KHDRBS2: variants seen among roughly 807,000 people sequenced by gnomAD.
The protein encoded by KHDRBS2 is KH RNA binding domain containing, signal transduction associated 2.
A neutral mutation model predicts 44.3 loss-of-function variants in KHDRBS2; 26 were observed. That is an observed-to-expected ratio of 0.59 (90% CI 0.43 to 0.81). The LOEUF is 0.81. KHDRBS2 is among the 40% of genes least tolerant of loss of function. KHDRBS2 has a pLI of 0.00. For synonymous variants in KHDRBS2, 194 were observed against 151.1 expected, an observed-to-expected ratio of 1.28 and a Z score of -2.08; for missense variants, 476 against 433.1, an observed-to-expected ratio of 1.10 and a Z score of -0.88.
At chr6:61,889,630 A>T (rs1801506719) in intron 6 of KHDRBS2, among the ~76,000 whole-genome samples, 2 of 152,254 alleles carry the variant, frequency 1.3e-5, no homozygotes, top group Middle Eastern at 3.4e-3. Context: ...ACCAGTTAAC[A>T]GTCTCCTTGT....
At chr6:61,964,089 T>C (rs1769361371) in intron 4 of KHDRBS2, among the ~76,000 whole-genome samples, 1 of 151,960 alleles carries the variant, frequency 6.6e-6, no homozygotes, top group African/African-American at 2.4e-5. Flanking sequence ...CAGTACAAAA[T>C]ATCGGACCTC....
At chr6:61,943,012 G>C (rs1231807787) in intron 4 of KHDRBS2, among the ~76,000 whole-genome samples, 1 of 141,618 alleles carries the variant, frequency 7.1e-6, no homozygotes, top group Non-Finnish European at 1.5e-5. Flanking sequence ...GAAAGAGAGA[G>C]AGAGAGAAAG....
chr6:61,604,368 T>A, the KHDRBS2 span, among the ~76,000 whole-genome samples: 1 of 152,172 alleles, frequency 6.6e-6, no homozygotes, highest in Non-Finnish European at 1.5e-5. Flanking sequence ...CCAACTTTTA[T>A]CCCTCATGGC....
intron 1 of KHDRBS2, among the ~76,000 whole-genome samples, chr6:62,273,091 T>TCTAG (rs1198135509): frequency 6.6e-6 from 1 of 152,082 alleles, no homozygotes; most frequent in Admixed American, 6.6e-5. Context: ...ACTTAGGGAG[T>TCTAG]CTAGCTTCAG....
chr6:61,620,926 A>G, the KHDRBS2 span, among the ~76,000 whole-genome samples: 3 of 152,194 alleles, frequency 2.0e-5, no homozygotes, highest in African/African-American at 7.2e-5. Flanking sequence ...CTGCATTGCA[A>G]TCTGAAGTCT....
intron 2 of KHDRBS2, among the ~76,000 whole-genome samples, chr6:62,087,358 A>C (rs879688708): frequency 1.3e-5 from 2 of 152,124 alleles, no homozygotes; most frequent in Non-Finnish European, 2.9e-5. Context: ...TAGGATCTAA[A>C]AAATTAGATT....
intron 3 of KHDRBS2, among the ~76,000 whole-genome samples, chr6:61,985,405 G>A (rs934984703): frequency 9.2e-5 from 14 of 152,236 alleles, no homozygotes; most frequent in South Asian, 8.3e-4. Context: ...GGTCCAGCAA[G>A]AGCCTTGACC....
At chr6:61,993,283 A>G (rs760164529) in intron 3 of KHDRBS2, among the ~76,000 whole-genome samples, 2 of 152,064 alleles carry the variant, frequency 1.3e-5, no homozygotes, top group Non-Finnish European at 2.9e-5. Context: ...TGTTTTCTTC[A>G]TAGTATCACC....
the KHDRBS2 span, among the ~76,000 whole-genome samples, chr6:61,621,061 C>G: frequency 6.6e-6 from 1 of 152,120 alleles, no homozygotes; most frequent in Non-Finnish European, 1.5e-5. Flanking sequence ...AATATAGAAG[C>G]AGTTCGAGAA....
chr6:62,078,345 CAA>C (rs2127352251), intron 2 of KHDRBS2, among the ~76,000 whole-genome samples: 1 of 151,902 alleles, frequency 6.6e-6, no homozygotes, highest in Non-Finnish European at 1.5e-5. Flanking sequence ...CTTATTTTAT[CAA>C]AGTTTTCAGA....
At chr6:61,990,000 A>C (rs796698140) in intron 3 of KHDRBS2, among the ~76,000 whole-genome samples, 8 of 152,290 alleles carry the variant, frequency 5.3e-5, no homozygotes, top group African/African-American at 1.9e-4. Flanking sequence ...TCTTTCTCAG[A>C]GTTCTGTGGT....
intron 2 of KHDRBS2, among the ~76,000 whole-genome samples, chr6:62,156,553 C>A (rs923442568): frequency 2.0e-5 from 3 of 152,108 alleles, no homozygotes; most frequent in African/African-American, 4.8e-5. Context: ...TGTTAGATTT[C>A]ATTTGCTGAT....
chr6:62,196,116 A>G (rs1825646174), intron 1 of KHDRBS2, among the ~76,000 whole-genome samples: 1 of 152,130 alleles, frequency 6.6e-6, no homozygotes, highest in South Asian at 2.1e-4. Context: ...TTTCTAACAA[A>G]TAGTTAATAC....
the KHDRBS2 span, among the ~76,000 whole-genome samples, chr6:61,626,171 A>G: frequency 2.0e-5 from 3 of 152,224 alleles, no homozygotes; most frequent in African/African-American, 7.2e-5. Context: ...AGCTCTGATC[A>G]TTCAAAGGTT....
chr6:61,940,747 C>T (rs1221217905), intron 4 of KHDRBS2, among the ~76,000 whole-genome samples: 7 of 152,146 alleles, frequency 4.6e-5, no homozygotes, highest in Non-Finnish European at 1.0e-4. Flanking sequence ...AGGTAGCAAC[C>T]TGAAGCTTAG....
chr6:61,692,485 T>A (rs1019591353), intron 8 of KHDRBS2, among the ~76,000 whole-genome samples: 4 of 152,022 alleles, frequency 2.6e-5, no homozygotes, highest in African/African-American at 9.7e-5. Flanking sequence ...TATTTAATAT[T>A]AAATTATTTG....
At chr6:62,177,567 T>C (rs891576576) in intron 1 of KHDRBS2, among the ~76,000 whole-genome samples, 4 of 151,278 alleles carry the variant, frequency 2.6e-5, no homozygotes, top group Admixed American at 6.6e-5. Context: ...TGTGAAAAAA[T>C]TGATGAATTT....
the KHDRBS2 span, among the ~76,000 whole-genome samples, chr6:61,589,287 A>G: frequency 4.6e-5 from 7 of 152,308 alleles, no homozygotes; most frequent in African/African-American, 1.7e-4. Flanking sequence ...TATCAAGTTA[A>G]TTTCATGATT....
chr6:62,174,947 T>A (rs1820783880), intron 2 of KHDRBS2, among the ~76,000 whole-genome samples: 1 of 151,794 alleles, frequency 6.6e-6, no homozygotes, highest in African/African-American at 2.4e-5. Flanking sequence ...ACAGATGAAG[T>A]TTAGTGATCA....
Sources: allele counts gnomAD v4.1 joint callset (sites outside exome capture counted in the v4.1 genomes callset), GRCh38; gene constraint gnomAD v4.1.1; transcripts MANE v1.5; gene names NCBI Gene and HGNC (gene_info 2026-07-23, HGNC 2026-07-21).